Variants in ZNF385D observed in about 807,000 individuals in gnomAD.
ZNF385D encodes the protein zinc finger protein 385D, also known as zinc finger protein 659.
ZNF385D carries 15 observed loss-of-function variants against 35.8 expected under a neutral mutation model. The observed-to-expected ratio is 0.42, with a 90% confidence interval of 0.28 to 0.64. The LOEUF is 0.64. Ranked by LOEUF, ZNF385D falls within the 30% of genes least tolerant of loss-of-function variation. The pLI is 0.23. For synonymous variants in ZNF385D, 212 were observed against 186.8 expected (o/e 1.13, Z -1.10); for missense variants, 474 against 494.6 (o/e 0.96, Z 0.39).
At chr3:22,168,126 C>A (rs1472913678) in intron 3 of ZNF385D, among the ~76,000 whole-genome samples, 1 of 152,104 alleles carries the variant, frequency 6.6e-6, no homozygotes, top group Non-Finnish European at 1.5e-5. Context: ...CATCTGATCA[C>A]AATATAATAT....
chr3:22,196,720 T>C (rs1696446920), intron 2 of ZNF385D, among the ~76,000 whole-genome samples: 2 of 152,058 alleles, frequency 1.3e-5, no homozygotes, highest in East Asian at 1.9e-4. Flanking sequence ...TTTATTACAA[T>C]TCTACATTTG....
intron 2 of ZNF385D, among the ~76,000 whole-genome samples, chr3:22,298,717 A>T (rs897729388): frequency 1.6e-4 from 24 of 151,000 alleles, no homozygotes; most frequent in African/African-American, 2.7e-4. Context: ...ACCAAAAAAA[A>T]AAAATAAAAT....
chr3:21,704,924 C>T (rs557291692), intron 1 of ZNF385D, among the ~76,000 whole-genome samples: 1 of 152,070 alleles, frequency 6.6e-6, no homozygotes, highest in African/African-American at 2.4e-5. Flanking sequence ...CAGTGGGGTG[C>T]TATGTCATAT....
chr3:21,555,973 G>C (rs1003812957), intron 3 of ZNF385D, among the ~76,000 whole-genome samples: 6 of 151,610 alleles, frequency 4.0e-5, no homozygotes, highest in Middle Eastern at 3.4e-3. Context: ...GTGATGATGA[G>C]CTTTTTTTCC....
At chr3:22,075,261 C>T (rs1700407531) in intron 3 of ZNF385D, among the ~76,000 whole-genome samples, 1 of 151,884 alleles carries the variant, frequency 6.6e-6, no homozygotes, top group Admixed American at 6.6e-5. Context: ...TAGATGCACA[C>T]TCTAATCACT....
At chr3:21,910,912 A>C (rs534765473) in intron 3 of ZNF385D, among the ~76,000 whole-genome samples, 1 of 152,084 alleles carries the variant, frequency 6.6e-6, no homozygotes, top group Non-Finnish European at 1.5e-5. Context: ...TAACTATTTT[A>C]TATAGAATTA....
intron 3 of ZNF385D, among the ~76,000 whole-genome samples, chr3:21,897,292 C>A (rs189958848): frequency 1.3e-5 from 2 of 152,218 alleles, no homozygotes; most frequent in Admixed American, 1.3e-4. Flanking sequence ...AATACATTGC[C>A]TGGGTGACTG....
At chr3:22,125,604 G>A (rs1279234388) in intron 3 of ZNF385D, among the ~76,000 whole-genome samples, 1 of 151,666 alleles carries the variant, frequency 6.6e-6, no homozygotes, top group Non-Finnish European at 1.5e-5. Flanking sequence ...TCAATTTCTG[G>A]CATCAACGTT....
chr3:21,844,880 T>A (rs894849557), intron 3 of ZNF385D, among the ~76,000 whole-genome samples: 1 of 152,010 alleles, frequency 6.6e-6, no homozygotes, highest in Non-Finnish European at 1.5e-5. Flanking sequence ...TACACTGAGA[T>A]AATTTAAGAG....
chr3:21,589,306 C>T (rs1284842236), intron 2 of ZNF385D, among the ~76,000 whole-genome samples: 1 of 152,148 alleles, frequency 6.6e-6, no homozygotes, highest in Non-Finnish European at 1.5e-5. Flanking sequence ...CGGAGTTTAC[C>T]TGAGGAAGAT....
chr3:21,621,385 G>T (rs1364369475), intron 2 of ZNF385D, among the ~76,000 whole-genome samples: 2 of 152,076 alleles, frequency 1.3e-5, no homozygotes, highest in Non-Finnish European at 2.9e-5. Context: ...ATAGTTCATG[G>T]TGGGGAAAAA....
chr3:22,289,887 C>T (rs1702210526), intron 2 of ZNF385D, among the ~76,000 whole-genome samples: 2 of 152,216 alleles, frequency 1.3e-5, no homozygotes, highest in Middle Eastern at 3.4e-3. Context: ...TATAGTATGT[C>T]AGCTCAGTTA....
intron 1 of ZNF385D, among the ~76,000 whole-genome samples, chr3:21,724,477 CAAAAAA>C (rs200803155): frequency 1.2e-4 from 6 of 52,014 alleles, no homozygotes; most frequent in South Asian, 8.9e-4. Context: ...AATGGAAAGC[CAAAAAA>C]AAAAAAAAAA....
chr3:21,605,822 T>C (rs990015394), intron 2 of ZNF385D, among the ~76,000 whole-genome samples: 1 of 152,222 alleles, frequency 6.6e-6, no homozygotes, highest in Non-Finnish European at 1.5e-5. Flanking sequence ...ACCCTGATCT[T>C]TAATGATTTC....
chr3:21,697,825 C>T (rs1602241), intron 1 of ZNF385D, among the ~76,000 whole-genome samples: 60,267 of 151,894 alleles, frequency 0.4, 13,365 homozygotes, highest in Middle Eastern at 0.53. Context: ...GACATAAAAG[C>T]GACCTGAAAA....
chr3:21,566,433 C>T (rs938401044), intron 2 of ZNF385D, among the ~76,000 whole-genome samples: 3 of 152,084 alleles, frequency 2.0e-5, no homozygotes, highest in African/African-American at 7.2e-5. Context: ...GGAGACCAGC[C>T]TGGCCAGCAT....
intron 3 of ZNF385D, among the ~76,000 whole-genome samples, chr3:21,856,586 T>C (rs1696726580): frequency 6.6e-6 from 1 of 152,046 alleles, no homozygotes; most frequent in Non-Finnish European, 1.5e-5. Context: ...TTCTTTTTCA[T>C]ATAAACTAGT....
In ZNF385D at chr3:22,153,058, C is replaced by G. The variant is rs144019174; in HGVS notation, c.325+15759G>C. On this transcript the variant is annotated intron_variant, in intron 3 of 5. Transcript: ENST00000494108. Reference sequence around the variant, plus strand: ...ACCATGGCTTTTATTCTCAGGAGAGCTGATGGTTAAAACTGACCAATGTAC... The same window carrying G: ...ACCATGGCTTTTATTCTCAGGAGAGGTGATGGTTAAAACTGACCAATGTAC... Among the ~76,000 whole-genome samples the G allele has an allele frequency of 5.8e-4, 88 of 152,256 alleles. 1 individual carries two copies. In the South Asian group the frequency reaches 7.0e-3, roughly 12 times the overall value.
At chr3:22,253,904 T>C (rs1040942978) in intron 2 of ZNF385D, among the ~76,000 whole-genome samples, 1 of 151,980 alleles carries the variant, frequency 6.6e-6, no homozygotes, top group Non-Finnish European at 1.5e-5. Flanking sequence ...ATCTGTGCTG[T>C]GTTGAACACT....
Sources: allele counts gnomAD v4.1 joint callset (sites outside exome capture counted in the v4.1 genomes callset), GRCh38; gene constraint gnomAD v4.1.1; transcripts MANE v1.5; gene names NCBI Gene and HGNC (gene_info 2026-07-23, HGNC 2026-07-21).